C8orf34: variants seen among roughly 807,000 people sequenced by gnomAD.
The protein encoded by C8orf34 is uncharacterized protein C8orf34.
In C8orf34, 65 loss-of-function variants were observed where a neutral mutation model predicts 68.3. The ratio of observed to expected loss-of-function variants is 0.95; its 90% CI spans 0.78 to 1.17. C8orf34 has a LOEUF of 1.17. Among genes scored for constraint, C8orf34 ranks in the 50% most tolerant of loss-of-function variants. The probability of loss-of-function intolerance (pLI) is 0.00; values close to 1 mark genes in which losing one functional copy is unlikely to be tolerated. For missense variants in C8orf34, 664 were observed against 655.4 expected (o/e 1.01, Z -0.14); for synonymous variants, 244 against 241.2 (o/e 1.01, Z -0.11).
intron 8 of C8orf34, among the ~76,000 whole-genome samples, chr8:68,654,361 T>C (rs1819451714): frequency 6.6e-6 from 1 of 152,230 alleles, no homozygotes. Context: ...GTTTTCTCAG[T>C]ACTTTTAGAT....
chr8:68,716,011 TACAGCAACCTGG>T (rs1207362578), intron 9 of C8orf34, among the ~76,000 whole-genome samples: 6 of 152,192 alleles, frequency 3.9e-5, no homozygotes, highest in Non-Finnish European at 7.4e-5. Context: ...TAATGACATT[TACAGCAACCTGG>T]ACAGAATTGG....
intron 1 of C8orf34, among the ~76,000 whole-genome samples, chr8:68,392,042 A>G (rs1246523891): frequency 6.6e-6 from 1 of 152,192 alleles, no homozygotes; most frequent in Non-Finnish European, 1.5e-5. Context: ...TTTGTTGGTA[A>G]AGGGTAGCTG....
At chr8:68,501,775 C>T (rs1813782620) in intron 5 of C8orf34, among the ~76,000 whole-genome samples, 1 of 152,124 alleles carries the variant, frequency 6.6e-6, no homozygotes, top group Non-Finnish European at 1.5e-5. Context: ...GCCAGTCCCC[C>T]AATTTATTCT....
intron 8 of C8orf34, among the ~76,000 whole-genome samples, chr8:68,696,108 A>G (rs1316245785): frequency 2.0e-5 from 3 of 151,762 alleles, no homozygotes; most frequent in South Asian, 2.1e-4. Flanking sequence ...CAGGACTTCA[A>G]TGAGCGGTGA....
At chr8:68,534,910 TC>T in intron 7 of C8orf34, 1 of 985,386 alleles carries the variant, frequency 1.0e-6, no homozygotes, top group Non-Finnish European at 1.2e-6. Context: ...TAACTAGTCC[TC>T]ATTAATTCTT....
chr8:68,459,431 C>G (rs1048282268), intron 3 of C8orf34, among the ~76,000 whole-genome samples: 2 of 152,046 alleles, frequency 1.3e-5, no homozygotes, highest in Non-Finnish European at 2.9e-5. Context: ...TGGGGTTTCT[C>G]CATGTTGGCC....
At chr8:68,605,602 A>G (rs1231887164) in intron 7 of C8orf34, among the ~76,000 whole-genome samples, 13 of 152,124 alleles carry the variant, frequency 8.5e-5, no homozygotes, top group African/African-American at 2.2e-4. Flanking sequence ...AGTGCATATT[A>G]CTAGGTGAAA....
At chr8:68,527,785 G>A (rs1217020407) in intron 6 of C8orf34, among the ~76,000 whole-genome samples, 1 of 152,054 alleles carries the variant, frequency 6.6e-6, no homozygotes, top group African/African-American at 2.4e-5. Flanking sequence ...GAGGGGCCTC[G>A]GAACCCTAAG....
At chr8:68,576,383 A>G (rs949091135) in intron 7 of C8orf34, among the ~76,000 whole-genome samples, 2 of 151,588 alleles carry the variant, frequency 1.3e-5, no homozygotes, top group Non-Finnish European at 2.9e-5. Flanking sequence ...TCCTTCAACT[A>G]TGGTGCAAAA....
rs1349268142 is a variant in C8orf34, at chr8:68,738,371, A to G, written c.1404+16934A>G. On this transcript the variant is annotated intron_variant, in intron 10 of 13. Coordinates refer to ENST00000518698, the MANE Select transcript of C8orf34 (RefSeq NM_052958.4). ...TAGAAAGATCTCAATTTAGCAATCT[A>G]ACCTTGCAAATAGAACAACTAGAGA... Among the ~76,000 whole-genome samples, 5 of 152,118 alleles carry G rather than the reference A, an allele frequency of 3.3e-5. No homozygotes were observed. The East Asian group carries it at 9.6e-4, about 29-fold the overall frequency.
At chr8:68,732,829 G>A (rs1375129548) in intron 10 of C8orf34, among the ~76,000 whole-genome samples, 2 of 152,116 alleles carry the variant, frequency 1.3e-5, no homozygotes, top group Non-Finnish European at 2.9e-5. Context: ...TTGGGATGCC[G>A]AGGCAGACAG....
chr8:68,764,150 G>A (rs1017365670), intron 10 of C8orf34, among the ~76,000 whole-genome samples: 1 of 152,202 alleles, frequency 6.6e-6, no homozygotes, highest in Non-Finnish European at 1.5e-5. Flanking sequence ...TCCTCATAGA[G>A]CCCCTTGTGG....
At chr8:68,694,713 C>T (rs1474737326) in intron 8 of C8orf34, among the ~76,000 whole-genome samples, 8 of 151,864 alleles carry the variant, frequency 5.3e-5, no homozygotes, top group African/African-American at 1.9e-4. Flanking sequence ...TTATCCACAT[C>T]TGGGGGCTTC....
At chr8:68,610,430 C>T (rs1817982480) in intron 7 of C8orf34, among the ~76,000 whole-genome samples, 1 of 152,092 alleles carries the variant, frequency 6.6e-6, no homozygotes, top group Non-Finnish European at 1.5e-5. Flanking sequence ...CTGATTCATT[C>T]CTAGGGGATA....
At chr8:68,461,081 C>T (rs1292925860) in intron 3 of C8orf34, among the ~76,000 whole-genome samples, 2 of 152,134 alleles carry the variant, frequency 1.3e-5, no homozygotes, top group Non-Finnish European at 2.9e-5. Flanking sequence ...ATAACCAATA[C>T]AGAGAAGTGC....
intron 3 of C8orf34, among the ~76,000 whole-genome samples, chr8:68,452,905 A>G (rs192193498): frequency 2.1e-3 from 326 of 151,786 alleles, no homozygotes; most frequent in African/African-American, 7.0e-3. Context: ...ATGCTCTTAC[A>G]TGTGGGTAGT....
chr8:68,738,932 A>G (rs1404216059), intron 10 of C8orf34, among the ~76,000 whole-genome samples: 1 of 152,170 alleles, frequency 6.6e-6, no homozygotes, highest in Non-Finnish European at 1.5e-5. Flanking sequence ...CTAACATTCT[A>G]TGAGGCCAGC....
chr8:68,546,278 G>A (rs1332895830), intron 7 of C8orf34, among the ~76,000 whole-genome samples: 1 of 152,000 alleles, frequency 6.6e-6, no homozygotes, highest in Non-Finnish European at 1.5e-5. Flanking sequence ...GGCAGAGGTT[G>A]TCAGACTGGA....
chr8:68,605,656 A>C (rs541029322), intron 7 of C8orf34, among the ~76,000 whole-genome samples: 1 of 152,272 alleles, frequency 6.6e-6, no homozygotes, highest in South Asian at 2.1e-4. Flanking sequence ...TTCTAACTAC[A>C]TGACACTAGA....
Sources: allele counts gnomAD v4.1 joint callset (sites outside exome capture counted in the v4.1 genomes callset), GRCh38; gene constraint gnomAD v4.1.1; transcripts MANE v1.5; gene names NCBI Gene and HGNC (gene_info 2026-07-23, HGNC 2026-07-21).